CAPN9: variants seen among roughly 807,000 people sequenced by gnomAD.
CAPN9 encodes the protein calpain 9, also known as calpain-9.
A neutral mutation model predicts 92.8 loss-of-function variants in CAPN9; 81 were observed. The observed-to-expected ratio is 0.87, with a 90% CI of 0.73 to 1.05. The LOEUF (loss-of-function observed/expected upper bound fraction) is 1.05. Ranked by LOEUF, CAPN9 falls within the 50% of genes least tolerant of loss-of-function variation. The probability of loss-of-function intolerance (pLI) is 0.00; values close to 1 mark genes in which losing one functional copy is unlikely to be tolerated. For synonymous variants in CAPN9, 304 were observed against 328.0 expected, an observed-to-expected ratio of 0.93 and a Z score of 0.79; for missense variants, 848 against 866.2, an observed-to-expected ratio of 0.98 and a Z score of 0.26.
At chr1:230,786,109 G>A in intron 12 of CAPN9, 92 bp downstream of exon 12, 1 of 1,605,644 alleles carries the variant, frequency 6.2e-7, no homozygotes, top group Non-Finnish European at 8.5e-7. Context: ...AAACTCTGCA[G>A]TTCAGGGATG....
chr1:230,768,895 A>G (rs779979355), intron 5 of CAPN9, among the ~76,000 whole-genome samples: 51 of 152,194 alleles, frequency 3.4e-4, no homozygotes, highest in Admixed American at 5.2e-4. Context: ...ACTATACTAC[A>G]TGAAGGTGAC....
intron 4 of CAPN9, among the ~76,000 whole-genome samples, chr1:230,764,759 C>T (rs564474883): frequency 1.4e-4 from 21 of 152,212 alleles, no homozygotes; most frequent in African/African-American, 2.9e-4. Flanking sequence ...TGGCGGGAGC[C>T]GAGTTTCTCA....
intron 18 of CAPN9, among the ~76,000 whole-genome samples, chr1:230,795,721 C>T (rs902353934): frequency 6.6e-6 from 1 of 151,950 alleles, no homozygotes; most frequent in Non-Finnish European, 1.5e-5. Context: ...TGTGCCCGTG[C>T]GCTTCAGTGT....
intron 12 of CAPN9, among the ~76,000 whole-genome samples, chr1:230,786,786 A>G (rs907533038): frequency 2.0e-4 from 31 of 152,292 alleles, no homozygotes; most frequent in African/African-American, 7.5e-4. Flanking sequence ...AAATCTAATC[A>G]ATGAAAAGAA....
intron 16 of CAPN9, 59 bp from the exon 17 acceptor site, chr1:230,792,791 C>A: frequency 7.1e-7 from 1 of 1,415,226 alleles, no homozygotes; most frequent in Non-Finnish European, 1.0e-6. Context: ...CCATTTACTG[C>A]CATCAGCGAT....
Position 230,762,682 on chromosome 1 carries a change from G to A in CAPN9, c.432G>A (p.Val144=), listed in dbSNP as rs536569081. ...QFWQHSEWLD[V]VIDDRLPTFR... ...GGCAGCACAGTGAGTGGCTGGACGT[G>A]GTGATCGATGACCGCCTGCCCACCT... is the stretch of plus-strand genomic sequence containing the variant. The change falls in exon 4 of 20, where the codon GTG becomes GTA. Residue 144 remains valine, a synonymous_variant. Coordinates refer to ENST00000271971, the MANE Select transcript of CAPN9 (RefSeq NM_006615.3). 1 of 1,614,110 alleles carries A rather than the reference G, an allele frequency of 6.2e-7. No homozygotes were observed. The highest frequency in any genetic ancestry group is 1.3e-5 in the African/African-American group (1 of 75,060).
intron 15 of CAPN9, 115 bp downstream of exon 15, chr1:230,792,043 T>C (rs779547508): frequency 1.2e-6 from 1 of 812,646 alleles, no homozygotes; most frequent in Non-Finnish European, 2.0e-6. Flanking sequence ...GCCAGCAGAA[T>C]AGTCTTCTTC....
intron 13 of CAPN9, among the ~76,000 whole-genome samples, chr1:230,789,744 C>T (rs1667854409): frequency 6.6e-6 from 1 of 152,182 alleles, no homozygotes; most frequent in Admixed American, 6.5e-5. Flanking sequence ...TTCTACTGTA[C>T]AGAGGAAGAC....
At chr1:230,748,598 T>C (rs1010838061) in intron 1 of CAPN9, among the ~76,000 whole-genome samples, 4 of 152,124 alleles carry the variant, frequency 2.6e-5, no homozygotes, top group African/African-American at 9.7e-5. Context: ...ACCTGTAAAA[T>C]GGGAACAATA....
chr1:230,762,819 C>T, intron 4 of CAPN9, 33 bp downstream of exon 4: 3 of 1,607,400 alleles, frequency 1.9e-6, no homozygotes, highest in South Asian at 1.1e-5. Flanking sequence ...CAGGCAGCCT[C>T]CCGACAGGAG....
At chr1:230,762,086 C>T (rs767181306) in intron 3 of CAPN9, among the ~76,000 whole-genome samples, 10 of 152,226 alleles carry the variant, frequency 6.6e-5, no homozygotes, top group Non-Finnish European at 1.2e-4. Flanking sequence ...TTCACACACA[C>T]CCACACTCCA....
In CAPN9 at chr1:230,747,436, C is replaced by G. The variant is rs577446420; in HGVS notation, c.-61C>G. The G allele has an allele frequency of 2.8e-6, 4 of 1,427,072 alleles. No homozygotes were observed. The highest frequency in any genetic ancestry group is 1.7e-5 in the Admixed American group (1 of 59,780). 88.4% of individuals were successfully genotyped at this position (1,427,072 alleles called of 1,614,324 possible). Reference sequence around the variant, plus strand: ...TCCTTCTTGACCGGCACACACAGCTCGCTTCTTCACTTTCTTTTCCATCCA... The same window carrying G: ...TCCTTCTTGACCGGCACACACAGCTGGCTTCTTCACTTTCTTTTCCATCCA... On this transcript the variant is annotated 5_prime_UTR_variant, in exon 1 of 20. Transcript: ENST00000271971.
intron 5 of CAPN9, 44 bp downstream of exon 5, chr1:230,767,753 T>A: frequency 1.3e-6 from 2 of 1,551,774 alleles, no homozygotes; most frequent in Non-Finnish European, 8.8e-7. Flanking sequence ...ATGCTGGGGC[T>A]GCATAGTGCA....
chr1:230,747,466 C>T lies in CAPN9; in HGVS notation c.-31C>T, dbSNP rs200985812. The T allele has an allele frequency of 3.8e-5, 61 of 1,589,608 alleles. No homozygotes were observed. Among genetic ancestry groups the T allele is most frequent in the African/African-American group, 2.0e-4 (15 of 74,598 alleles). On this transcript the variant is annotated 5_prime_UTR_variant, in exon 1 of 20. Coordinates refer to ENST00000271971, the MANE Select transcript of CAPN9 (RefSeq NM_006615.3). ...CTTCACTTTCTTTTCCATCCACTGCCGGACCCAAGCCAGCCTTCCAGGGAG... is the reference window on the plus strand; with the variant it reads ...CTTCACTTTCTTTTCCATCCACTGCTGGACCCAAGCCAGCCTTCCAGGGAG...
At chr1:230,759,975 G>C (rs533236556) in intron 3 of CAPN9, among the ~76,000 whole-genome samples, 1 of 152,322 alleles carries the variant, frequency 6.6e-6, no homozygotes, top group East Asian at 1.9e-4. Flanking sequence ...GAAACTGGTT[G>C]ATTTCTCATA....
intron 8 of CAPN9, 108 bp downstream of exon 8, chr1:230,774,739 C>CTTTTTT (rs747512464): frequency 2.3e-5 from 9 of 386,372 alleles, no homozygotes; most frequent in Admixed American, 9.2e-5. Flanking sequence ...TTCTTTCTTT[C>CTTTTTT]TTTTTTTTTT....
chr1:230,757,266 T>C (rs1665292438), intron 2 of CAPN9, among the ~76,000 whole-genome samples: 1 of 152,052 alleles, frequency 6.6e-6, no homozygotes, highest in African/African-American at 2.4e-5. Flanking sequence ...ATTCAGGTGG[T>C]CCTTCTCCAG....
chr1:230,780,478 C>T (rs1325264128), intron 10 of CAPN9, 22 bp from the exon 11 acceptor site: 5 of 1,611,960 alleles, frequency 3.1e-6, no homozygotes, highest in East Asian at 2.2e-5. Flanking sequence ...TAGGAAACCC[C>T]TCCCTTTCTT....
chr1:230,754,765 T>G (rs182732677), intron 1 of CAPN9, among the ~76,000 whole-genome samples: 1 of 152,240 alleles, frequency 6.6e-6, no homozygotes, highest in Non-Finnish European at 1.5e-5. Context: ...TAGTGAGCTA[T>G]GATCATGTCA....
Sources: allele counts gnomAD v4.1 joint callset (sites outside exome capture counted in the v4.1 genomes callset), GRCh38; gene constraint gnomAD v4.1.1; transcripts MANE v1.5; gene names NCBI Gene and HGNC (gene_info 2026-07-23, HGNC 2026-07-21).